Variants in FHIT observed in about 807,000 individuals in gnomAD.
FHIT encodes the protein bis(5'-adenosyl)-triphosphatase.
In FHIT, 19 loss-of-function variants were observed where a neutral mutation model predicts 17.9. The observed-to-expected ratio is 1.06, with a 90% CI of 0.74 to 1.56. FHIT has a LOEUF of 1.56. FHIT is among the 40% of genes most tolerant of loss of function. The pLI, the probability that FHIT is intolerant of heterozygous loss-of-function variation, is 0.00. For synonymous variants in FHIT, 81 were observed against 69.7 expected (o/e 1.16, Z -0.81); for missense variants, 248 against 189.2 (o/e 1.31, Z -1.82).
intron 8 of FHIT, among the ~76,000 whole-genome samples, chr3:59,829,288 T>C (rs1701083235): frequency 6.6e-6 from 1 of 152,160 alleles, no homozygotes; most frequent in Admixed American, 6.5e-5. Flanking sequence ...TAATTAAAGG[T>C]TCATATTTGC....
rs531935140 is a variant in FHIT at position 60,357,540 on chromosome 3, C to T, written c.103+179320G>A. ...AATTACAGGCATGAGCCACCACGCC[C>T]GGCCCAATATCACTTTCAATGGGTC... On this transcript the variant is annotated intron_variant, in intron 5 of 9. Transcript: ENST00000492590. Among the ~76,000 whole-genome samples the T allele has an allele frequency of 1.4e-4, 21 of 152,194 alleles. No homozygotes were observed. The South Asian group carries it at 2.1e-3, about 15-fold the overall frequency.
intron 8 of FHIT, among the ~76,000 whole-genome samples, chr3:59,876,244 T>C (rs866895307): frequency 6.6e-6 from 1 of 152,170 alleles, no homozygotes; most frequent in South Asian, 2.1e-4. Context: ...ATATATTCAT[T>C]AATTAGGTAT....
At chr3:59,795,650 C>A (rs1699749205) in intron 8 of FHIT, among the ~76,000 whole-genome samples, 2 of 151,932 alleles carry the variant, frequency 1.3e-5, no homozygotes, top group Non-Finnish European at 2.9e-5. Flanking sequence ...TCACTTGAGC[C>A]CAGGAGTTTG....
chr3:60,974,215 A>G lies in FHIT; in HGVS notation c.-111+67832T>C, dbSNP rs542088501. On this transcript the variant is annotated intron_variant, in intron 3 of 9. Coordinates refer to ENST00000492590, the MANE Select transcript of FHIT (RefSeq NM_002012.4). Reference sequence around the variant, plus strand: ...AACATTTCCCATTTTTCCTCATACAAAATTTACATAAAACCTTTGCTTTGT... The same window carrying G: ...AACATTTCCCATTTTTCCTCATACAGAATTTACATAAAACCTTTGCTTTGT... 7.9e-5 allele frequency among the ~76,000 whole-genome samples: 12 copies of G among 152,310 alleles called. No individual in the cohort carries two copies. The South Asian group carries it at 2.1e-3, about 26-fold the overall frequency.
chr3:60,946,115 G>T (rs910519707), intron 3 of FHIT, among the ~76,000 whole-genome samples: 7 of 152,186 alleles, frequency 4.6e-5, no homozygotes, highest in Admixed American at 3.9e-4. Context: ...AAGGAGGAAA[G>T]TGAGGATACA....
chr3:60,616,086 TG>T (rs1440960117), intron 4 of FHIT, among the ~76,000 whole-genome samples: 2 of 152,226 alleles, frequency 1.3e-5, no homozygotes, highest in Admixed American at 1.3e-4. Context: ...TCACAATTCT[TG>T]GGACTACCAT....
chr3:60,860,170 G>GATATATCTGATATATAATA (rs1703598027), intron 3 of FHIT, among the ~76,000 whole-genome samples: 1 of 81,364 alleles, frequency 1.2e-5, no homozygotes, highest in Non-Finnish European at 2.4e-5. Flanking sequence ...TACATCATAT[G>GATATATCTGATATATAATA]TATATATGGT....
At chr3:60,212,882 T>G (rs1202967867) in intron 5 of FHIT, among the ~76,000 whole-genome samples, 1 of 152,142 alleles carries the variant, frequency 6.6e-6, no homozygotes, top group African/African-American at 2.4e-5. Flanking sequence ...AATCCGGGTT[T>G]GTTCCTGAGG....
intron 2 of FHIT, among the ~76,000 whole-genome samples, chr3:61,117,049 A>G (rs1972855): frequency 0.76 from 114,844 of 152,060 alleles, 44,250 homozygotes; most frequent in African/African-American, 0.8. Flanking sequence ...TTACAGTACA[A>G]AAAATATAAT....
intron 5 of FHIT, among the ~76,000 whole-genome samples, chr3:60,534,444 A>AAAAAAAAC: frequency 9.4e-6 from 1 of 106,938 alleles, no homozygotes; most frequent in African/African-American, 3.6e-5. Flanking sequence ...CGTCTCAAAA[A>AAAAAAAAC]AAAAAAAAAA....
chr3:61,012,894 T>C (rs1356343773), intron 3 of FHIT, among the ~76,000 whole-genome samples: 1 of 151,918 alleles, frequency 6.6e-6, no homozygotes, highest in Non-Finnish European at 1.5e-5. Context: ...GATAAAATTC[T>C]GTGAGACAAA....
At chr3:60,099,561 T>C (rs1319610679) in intron 5 of FHIT, among the ~76,000 whole-genome samples, 1 of 152,148 alleles carries the variant, frequency 6.6e-6, no homozygotes, top group Non-Finnish European at 1.5e-5. Context: ...TGGCATTTTA[T>C]AATGTAACTG....
intron 5 of FHIT, among the ~76,000 whole-genome samples, chr3:60,145,224 A>T (rs1435178736): frequency 6.6e-6 from 1 of 152,120 alleles, no homozygotes; most frequent in East Asian, 1.9e-4. Flanking sequence ...TGGAAATTGC[A>T]TTGTGAATAC....
chr3:60,244,840 A>G (rs1013329734), intron 5 of FHIT, among the ~76,000 whole-genome samples: 3 of 152,116 alleles, frequency 2.0e-5, no homozygotes, highest in African/African-American at 7.2e-5. Flanking sequence ...AGTTATGATT[A>G]TTTAAAAATA....
chr3:59,906,240 T>C (rs1006303036), intron 8 of FHIT, among the ~76,000 whole-genome samples: 3 of 152,190 alleles, frequency 2.0e-5, no homozygotes, highest in Non-Finnish European at 2.9e-5. Flanking sequence ...TATTTTTTGA[T>C]TGTGTGTGTG....
At chr3:60,547,987 A>T (rs995625595) in intron 4 of FHIT, among the ~76,000 whole-genome samples, 2 of 152,162 alleles carry the variant, frequency 1.3e-5, no homozygotes, top group East Asian at 3.9e-4. Flanking sequence ...ACATCCAACT[A>T]AAGTAACGAA....
At chr3:60,746,364 G>A (rs1433840488) in intron 4 of FHIT, among the ~76,000 whole-genome samples, 1 of 152,196 alleles carries the variant, frequency 6.6e-6, no homozygotes, top group African/African-American at 2.4e-5. Context: ...ACGTAACACT[G>A]GATGAACACA....
chr3:60,625,852 T>G (rs1291393918), intron 4 of FHIT, among the ~76,000 whole-genome samples: 1 of 152,212 alleles, frequency 6.6e-6, no homozygotes, highest in African/African-American at 2.4e-5. Flanking sequence ...TATGTTTCCT[T>G]CTAAGAGTTT....
chr3:59,886,049 G>A (rs763799394), intron 8 of FHIT, among the ~76,000 whole-genome samples: 2 of 152,244 alleles, frequency 1.3e-5, no homozygotes, highest in Non-Finnish European at 2.9e-5. Context: ...GCTCTGATAT[G>A]CAGAATCTAA....
Sources: allele counts gnomAD v4.1 joint callset (sites outside exome capture counted in the v4.1 genomes callset), GRCh38; gene constraint gnomAD v4.1.1; transcripts MANE v1.5; gene names NCBI Gene and HGNC (gene_info 2026-07-23, HGNC 2026-07-21).